The following ME1 variants were observed in gnomAD, a reference collection of about 807,000 sequenced individuals.
The protein encoded by ME1 is NADP-dependent malic enzyme.
In ME1, 74 loss-of-function variants were observed where a neutral mutation model predicts 66.4. The observed-to-expected ratio is 1.11, with a 90% CI of 0.92 to 1.35. ME1 has a LOEUF of 1.35. Among genes scored for constraint, ME1 ranks in the 40% most tolerant of loss-of-function variants. The pLI is 0.00. For missense variants in ME1, 750 were observed against 694.1 expected (o/e 1.08, Z -0.90); for synonymous variants, 251 against 235.6 (o/e 1.07, Z -0.60).
At chr6:83,225,084 C>T (rs1790165903) in intron 11 of ME1, among the ~76,000 whole-genome samples, 1 of 151,630 alleles carries the variant, frequency 6.6e-6, no homozygotes, top group Admixed American at 6.6e-5. Context: ...CACCTGTAAT[C>T]CCAGCTACTC....
chr6:83,304,567 G>A (rs149224915), intron 6 of ME1, among the ~76,000 whole-genome samples: 1 of 152,176 alleles, frequency 6.6e-6, no homozygotes, highest in African/African-American at 2.4e-5. Context: ...TGTATATACA[G>A]AATATGATAT....
intron 1 of ME1, among the ~76,000 whole-genome samples, chr6:83,428,626 C>T (rs893578565): frequency 1.3e-5 from 2 of 152,006 alleles, no homozygotes; most frequent in African/African-American, 4.8e-5. Flanking sequence ...AAATTAAAGG[C>T]CTAGAGGTCT....
chr6:83,364,781 A>G (rs140400355), intron 3 of ME1, among the ~76,000 whole-genome samples: 9 of 152,272 alleles, frequency 5.9e-5, no homozygotes, highest in East Asian at 1.9e-4. Flanking sequence ...ATTTGCAGCA[A>G]TACTTCCAAC....
intron 6 of ME1, among the ~76,000 whole-genome samples, chr6:83,286,878 G>C (rs78761733): frequency 1.3e-5 from 2 of 152,070 alleles, no homozygotes; most frequent in African/African-American, 4.8e-5. Context: ...TTGAGTTACA[G>C]TGCAAGTACC....
At chr6:83,223,668 C>T in intron 12 of ME1, 92 bp downstream of exon 12, 2 of 1,221,082 alleles carry the variant, frequency 1.6e-6, no homozygotes, top group Non-Finnish European at 2.3e-6. Flanking sequence ...AGAGAGTAAG[C>T]TGAGATGCTA....
rs57683304 is a variant in ME1 at position 83,388,091 on chromosome 6, CTT to C, written c.362+10274_362+10275del. Among the ~76,000 whole-genome samples, 246 of 133,372 alleles carry C rather than the reference CTT, an allele frequency of 1.8e-3. 4 individuals carry two copies. The highest frequency in any genetic ancestry group is 6.6e-3 in the African/African-American group (239 of 36,208). 87.5% of individuals were successfully genotyped at this position (133,372 alleles called of 152,430 possible). A position where few individuals can be genotyped will look rare whatever the true frequency, so the allele number is the denominator to read the frequency against. The stretch of plus-strand genomic sequence containing the variant: ...TCTTCCTTCTTTCCTTCCTTCCTTC[CTT>C]TTTTTTTTTGGACAGGATCTCACTC... On this transcript the variant is annotated intron_variant, in intron 3 of 13. Transcript: ENST00000369705.
Position 83,342,144 on chromosome 6 carries a change from T to C in ME1, c.600+4029A>G, listed in dbSNP as rs368111192. On this transcript the variant is annotated intron_variant, in intron 5 of 13. Coordinates refer to ENST00000369705, the MANE Select transcript of ME1 (RefSeq NM_002395.6). ...AGACTGATTGCAGGCCACCACTTCATTTAAATGGGGTGAACACTAATTGGC... is the reference window on the plus strand; with the variant it reads ...AGACTGATTGCAGGCCACCACTTCACTTAAATGGGGTGAACACTAATTGGC... Among the ~76,000 whole-genome samples the C allele has an allele frequency of 1.6e-4, 25 of 152,258 alleles. No individual in the cohort carries two copies. In the South Asian group the frequency reaches 5.2e-3, roughly 32 times the overall value.
intron 2 of ME1, among the ~76,000 whole-genome samples, chr6:83,405,566 C>A (rs1167585584): frequency 6.6e-6 from 1 of 152,172 alleles, no homozygotes; most frequent in East Asian, 1.9e-4. Flanking sequence ...TGAGAGAGGG[C>A]ATCCTTGTCT....
intron 5 of ME1, among the ~76,000 whole-genome samples, chr6:83,322,853 G>T (rs141671599): frequency 6.6e-5 from 10 of 152,112 alleles, no homozygotes; most frequent in Non-Finnish European, 1.2e-4. Flanking sequence ...ATGCATAATC[G>T]TCAGATCCAC....
chr6:83,255,348 C>G (rs939642191), intron 6 of ME1, among the ~76,000 whole-genome samples: 2 of 151,758 alleles, frequency 1.3e-5, no homozygotes, highest in Admixed American at 6.6e-5. Context: ...CTTTTCTAAT[C>G]TAGTACACTG....
At chr6:83,234,262 T>G (rs1790355515) in intron 9 of ME1, among the ~76,000 whole-genome samples, 1 of 152,182 alleles carries the variant, frequency 6.6e-6, no homozygotes, top group Non-Finnish European at 1.5e-5. Context: ...ATATTTTATA[T>G]CCCTAAGGAC....
At chr6:83,339,776 C>A in intron 5 of ME1, among the ~76,000 whole-genome samples, 1 of 97,712 alleles carries the variant, frequency 1.0e-5, no homozygotes. Flanking sequence ...ACAATGAGAT[C>A]ACATGGACAC....
rs545800308 is a variant in ME1 at position 83,331,325 on chromosome 6, C to T, written c.600+14848G>A. 5.9e-5 allele frequency among the ~76,000 whole-genome samples: 9 copies of T among 152,204 alleles called. No individual in the cohort carries two copies. The South Asian group carries it at 1.7e-3, about 28-fold the overall frequency. ...AGGAAATTGGCCGGGTGCGGTGGCTCACGTCTGTAATCCCAGCACTTTGGG... is the reference window on the plus strand; with the variant it reads ...AGGAAATTGGCCGGGTGCGGTGGCTTACGTCTGTAATCCCAGCACTTTGGG... On this transcript the variant is annotated intron_variant, in intron 5 of 13. Transcript: ENST00000369705.
chr6:83,291,961 CAGCTCCATCAAGTCATTTA>C (rs1385346369), intron 6 of ME1, among the ~76,000 whole-genome samples: 1 of 151,956 alleles, frequency 6.6e-6, no homozygotes, highest in East Asian at 1.9e-4. Flanking sequence ...GTGTGCTTTC[CAGCTCCATCAAGTCATTTA>C]AGCTCTTCTC....
Position 83,332,568 on chromosome 6 carries a change from C to A in ME1, c.600+13605G>T, listed in dbSNP as rs1367662402. ...TTCACATATATATCATAGTATACCACTCAGTCATAAGAAAGGATAAAACAA... is the reference window on the plus strand; with the variant it reads ...TTCACATATATATCATAGTATACCAATCAGTCATAAGAAAGGATAAAACAA... On this transcript the variant is annotated intron_variant, in intron 5 of 13. Transcript: ENST00000369705. Among the ~76,000 whole-genome samples the A allele has an allele frequency of 6.6e-5, 10 of 152,292 alleles. No homozygotes were observed. In the South Asian group the frequency reaches 8.3e-4, roughly 13 times the overall value.
intron 6 of ME1, among the ~76,000 whole-genome samples, chr6:83,312,474 C>T (rs1160006032): frequency 3.3e-5 from 5 of 151,908 alleles, no homozygotes; most frequent in East Asian, 1.9e-4. Flanking sequence ...TGGAGAAGAC[C>T]GAGAGGAAGA....
intron 3 of ME1, among the ~76,000 whole-genome samples, chr6:83,357,106 A>G (rs1469659293): frequency 6.6e-6 from 1 of 152,180 alleles, no homozygotes; most frequent in African/African-American, 2.4e-5. Flanking sequence ...GTTTGCTCAT[A>G]ATTAGACTGA....
intron 5 of ME1, among the ~76,000 whole-genome samples, chr6:83,329,839 G>C (rs1145899): frequency 0.25 from 38,419 of 151,538 alleles, 5,504 homozygotes; most frequent in Middle Eastern, 0.46. Flanking sequence ...TTATTTTTTA[G>C]AGACAAGTTC....
In ME1 at chr6:83,243,531, TATAATCTATTATAATTATATTATATC is replaced by T. The variant is rs1562457480; in HGVS notation, c.815-3921_815-3896del. Among the ~76,000 whole-genome samples, 83 of 123,420 alleles carry T rather than the reference TATAATCTATTATAATTATATTATATC, an allele frequency of 6.7e-4. 1 individual carries two copies. Among genetic ancestry groups the T allele is most frequent in the Admixed American group, 1.2e-3 (13 of 10,906 alleles). 81.0% of individuals were successfully genotyped at this position (123,420 alleles called of 152,430 possible). A position where few individuals can be genotyped will look rare whatever the true frequency, so the allele number is the denominator to read the frequency against. Reference sequence around the variant, plus strand: ...ATCTATTATAATTATATTATATCGATATAATCTATTATAATTATATTATATCGATATAATCTATTATAATTACATTA... The same window carrying T: ...ATCTATTATAATTATATTATATCGATGATATAATCTATTATAATTACATTA... On this transcript the variant is annotated intron_variant, in intron 7 of 13. Coordinates refer to ENST00000369705, the MANE Select transcript of ME1 (RefSeq NM_002395.6).
Sources: gnomAD v4.1 joint callset for allele counts (sites outside exome capture counted in the v4.1 genomes callset) on GRCh38, gnomAD v4.1.1 for gene constraint, MANE v1.5 for transcripts, NCBI Gene and HGNC (gene_info 2026-07-23, HGNC 2026-07-21) for gene names.